The following KLHL20 variants were observed in gnomAD, a reference collection of about 807,000 sequenced individuals.
KLHL20 encodes the protein kelch-like protein 20.
Under a neutral mutation model 69.5 loss-of-function variants are expected in KLHL20, and 29 were observed. The observed-to-expected ratio is 0.42, with a 90% CI of 0.31 to 0.57. KLHL20 has a LOEUF of 0.57. Ranked by LOEUF, KLHL20 falls within the 20% of genes least tolerant of loss-of-function variation. The probability of loss-of-function intolerance (pLI) is 0.18; values close to 1 mark genes in which losing one functional copy is unlikely to be tolerated. For missense variants in KLHL20, 419 were observed against 776.0 expected (o/e 0.54, Z 5.47); for synonymous variants, 253 against 265.2 (o/e 0.95, Z 0.45).
chr1:173,731,950 C>T (rs184659234), intron 2 of KLHL20, among the ~76,000 whole-genome samples: 1 of 152,240 alleles, frequency 6.6e-6, no homozygotes, highest in East Asian at 1.9e-4. Context: ...GTAATCCCAG[C>T]ACTTTGGGAG....
At chr1:173,730,643 G>T (rs1180111181) in intron 2 of KLHL20, among the ~76,000 whole-genome samples, 1 of 152,182 alleles carries the variant, frequency 6.6e-6, no homozygotes, top group Non-Finnish European at 1.5e-5. Context: ...TTAATAAATG[G>T]TGCTGGGAAA....
rs771853859 is a variant in KLHL20 at position 173,774,291 on chromosome 1, T to A, written c.1296-14T>A. 3 of 1,614,170 alleles carry A rather than the reference T, an allele frequency of 1.9e-6. No homozygotes were observed. The highest frequency in any genetic ancestry group is 4.5e-5 in the East Asian group (2 of 44,880). On this transcript the variant is annotated splice_polypyrimidine_tract_variant and intron_variant, in intron 8 of 11. Coordinates refer to ENST00000209884, the MANE Select transcript of KLHL20 (RefSeq NM_014458.4). ...AATAAGAACAAGCATACAGTCTGGT[T>A]TCCCTCACTGCAGGTATGATCCGAA...
intron 2 of KLHL20, among the ~76,000 whole-genome samples, chr1:173,730,297 A>G (rs1027013975): frequency 1.3e-5 from 2 of 152,254 alleles, no homozygotes; most frequent in African/African-American, 4.8e-5. Context: ...ATACTGCCCA[A>G]GGTAATTTAT....
intron 10 of KLHL20, among the ~76,000 whole-genome samples, chr1:173,779,965 A>G (rs1648752868): frequency 6.6e-6 from 1 of 152,206 alleles, no homozygotes; most frequent in African/African-American, 2.4e-5. Context: ...CCATCTTGGG[A>G]TGTTTGCTGA....
chr1:173,779,272 G>T (rs1375401272), intron 10 of KLHL20, among the ~76,000 whole-genome samples: 2 of 150,050 alleles, frequency 1.3e-5, no homozygotes, highest in African/African-American at 4.9e-5. Flanking sequence ...AATTTCTTTT[G>T]ATTATTTTTA....
At chr1:173,775,590 G>T in intron 9 of KLHL20, 44 bp from the exon 10 acceptor site, 1 of 1,525,522 alleles carries the variant, frequency 6.6e-7, no homozygotes, top group Non-Finnish European at 9.1e-7. Flanking sequence ...GAGGTGAGAG[G>T]AAATGGTTGA....
chr1:173,730,958 T>C (rs985983769), intron 2 of KLHL20, among the ~76,000 whole-genome samples: 2 of 152,116 alleles, frequency 1.3e-5, no homozygotes, highest in African/African-American at 4.8e-5. Context: ...AGAAAATTTT[T>C]GCAATCTACT....
chr1:173,740,438 G>T (rs1348430390), intron 3 of KLHL20, among the ~76,000 whole-genome samples: 1 of 151,612 alleles, frequency 6.6e-6, no homozygotes, highest in East Asian at 1.9e-4. Flanking sequence ...GCTGGGTTTG[G>T]GTTTGGTTTG....
chr1:173,768,455 T>C (rs1647868317), intron 8 of KLHL20, among the ~76,000 whole-genome samples: 2 of 152,218 alleles, frequency 1.3e-5, no homozygotes, highest in Admixed American at 6.5e-5. Context: ...GTTTAACTGT[T>C]GTAAGTAGAG....
At chr1:173,731,387 A>G (rs1239752999) in intron 2 of KLHL20, among the ~76,000 whole-genome samples, 2 of 152,206 alleles carry the variant, frequency 1.3e-5, no homozygotes, top group Non-Finnish European at 2.9e-5. Flanking sequence ...AAAGGATTAT[A>G]AATCATGCTG....
chr1:173,742,032 C>A, intron 3 of KLHL20: 1 of 457,014 alleles, frequency 2.2e-6, no homozygotes, highest in Non-Finnish European at 3.8e-6. Flanking sequence ...CTCCTTATGT[C>A]AAGAGCTTCT....
intron 3 of KLHL20, among the ~76,000 whole-genome samples, chr1:173,738,511 C>T (rs895036420): frequency 6.6e-6 from 1 of 152,104 alleles, no homozygotes; most frequent in Non-Finnish European, 1.5e-5. Context: ...ATTGCTTTGC[C>T]TAGGACTTAA....
chr1:173,767,570 T>C (rs996317719), intron 8 of KLHL20, among the ~76,000 whole-genome samples: 5 of 152,218 alleles, frequency 3.3e-5, no homozygotes, highest in African/African-American at 1.2e-4. Context: ...TTTTTTAATA[T>C]AGTAGCCATT....
rs1649158162 is a variant in KLHL20 at position 173,785,630 on chromosome 1, C to T, written c.*383C>T. The T allele has an allele frequency of 1.3e-5, 2 of 152,772 alleles. No individual in the cohort carries two copies. The highest frequency in any genetic ancestry group is 6.6e-5 in the Admixed American group (1 of 15,250). 9.5% of individuals were successfully genotyped at this position (152,772 alleles called of 1,614,324 possible). A position where few individuals can be genotyped will look rare whatever the true frequency, so the allele number is the denominator to read the frequency against. ...GCTATATATGATTTGGCTATTATTT[C>T]TAGACACTCCATCCACATGATTCCA... is the stretch of plus-strand genomic sequence containing the variant. On this transcript the variant is annotated 3_prime_UTR_variant, in exon 12 of 12. Coordinates refer to ENST00000209884, the MANE Select transcript of KLHL20 (RefSeq NM_014458.4).
chr1:173,735,294 A>G (rs112579850), intron 3 of KLHL20, among the ~76,000 whole-genome samples: 13,713 of 152,038 alleles, frequency 0.09, 2,006 homozygotes, highest in African/African-American at 0.31. Flanking sequence ...AAAAATACAA[A>G]AATTAGTCGG....
rs557864304 is a variant in KLHL20, at chr1:173,784,363, A to G, written c.1746-800A>G. 1.4e-3 allele frequency among the ~76,000 whole-genome samples: 217 copies of G among 152,260 alleles called. 1 individual carries two copies. The highest frequency in any genetic ancestry group is 5.0e-3 in the African/African-American group (207 of 41,552). ...TATTTTCTTCCATATACAGCTTTCT[A>G]TTTTTACTAGGAATTTTGATTAAGC... On this transcript the variant is annotated intron_variant, in intron 11 of 11. Transcript: ENST00000209884.
intron 2 of KLHL20, among the ~76,000 whole-genome samples, chr1:173,729,985 C>A (rs1028578400): frequency 4.8e-4 from 73 of 152,238 alleles, no homozygotes; most frequent in African/African-American, 1.6e-3. Context: ...ATCTCAGCCC[C>A]AAATCTCCTT....
At chr1:173,744,977 C>G (rs916299038) in intron 3 of KLHL20, among the ~76,000 whole-genome samples, 1 of 151,976 alleles carries the variant, frequency 6.6e-6, no homozygotes, top group Non-Finnish European at 1.5e-5. Flanking sequence ...GTCACCTTAT[C>G]TAGTTCCAAT....
intron 2 of KLHL20, among the ~76,000 whole-genome samples, chr1:173,723,650 T>C (rs899745286): frequency 1.3e-5 from 2 of 152,230 alleles, no homozygotes; most frequent in African/African-American, 2.4e-5. Flanking sequence ...TTAGACTCTC[T>C]CAGTAGTTGT....
Sources: gnomAD v4.1 joint callset for allele counts (sites outside exome capture counted in the v4.1 genomes callset) on GRCh38, gnomAD v4.1.1 for gene constraint, MANE v1.5 for transcripts, NCBI Gene and HGNC (gene_info 2026-07-23, HGNC 2026-07-21) for gene names.